PIK3CD: variants seen among roughly 807,000 people sequenced by gnomAD.
PIK3CD encodes the protein phosphatidylinositol 4,5-bisphosphate 3-kinase catalytic subunit delta isoform.
Under a neutral mutation model 122.9 loss-of-function variants are expected in PIK3CD, and 20 were observed. The ratio of observed to expected loss-of-function variants is 0.16; its 90% CI spans 0.11 to 0.24. The LOEUF (loss-of-function observed/expected upper bound fraction) is 0.24, where lower values mean the gene tolerates loss of function less well. Among genes scored for constraint, PIK3CD ranks in the 10% least tolerant of loss-of-function variants. PIK3CD has a pLI of 1.00. For synonymous variants in PIK3CD, 596 were observed against 593.4 expected (o/e 1.00, Z -0.06); for missense variants, 787 against 1,406.3 (o/e 0.56, Z 7.04).
intron 1 of PIK3CD, among the ~76,000 whole-genome samples, chr1:9,675,209 C>A (rs2101043610): frequency 1.3e-5 from 2 of 150,780 alleles, no homozygotes; most frequent in South Asian, 4.2e-4. Flanking sequence ...CACGGTGAAA[C>A]CCCGTCTCTA....
At chr1:9,708,916 T>C (rs1646944919) in intron 2 of PIK3CD, among the ~76,000 whole-genome samples, 1 of 152,068 alleles carries the variant, frequency 6.6e-6, no homozygotes, top group Non-Finnish European at 1.5e-5. Flanking sequence ...TGGAGTAGGC[T>C]AGAGGCGGGG....
chr1:9,726,493 A>G (rs757574615), intron 23 of PIK3CD, among the ~76,000 whole-genome samples: 3 of 152,210 alleles, frequency 2.0e-5, no homozygotes, highest in Non-Finnish European at 4.4e-5. Flanking sequence ...TGGGCGACAG[A>G]GTGAGACTGT....
At chr1:9,672,892 G>A (rs1645376658) in intron 1 of PIK3CD, among the ~76,000 whole-genome samples, 1 of 152,014 alleles carries the variant, frequency 6.6e-6, no homozygotes, top group South Asian at 2.1e-4. Context: ...CTCTCCAGCA[G>A]CACTCACCTG....
intron 15 of PIK3CD, 72 bp from the exon 16 acceptor site, chr1:9,721,689 G>T (rs1048719596): frequency 1.2e-6 from 2 of 1,602,636 alleles, no homozygotes; most frequent in Non-Finnish European, 1.7e-6. Context: ...TCCTGGCCTC[G>T]CTAGGTCCTG....
intron 1 of PIK3CD, among the ~76,000 whole-genome samples, chr1:9,657,810 G>A (rs1295090104): frequency 6.6e-6 from 1 of 152,126 alleles, no homozygotes; most frequent in Non-Finnish European, 1.5e-5. Flanking sequence ...CACAGACACT[G>A]CTCTGTTCCC....
At chr1:9,711,666 C>G (rs967119597) in intron 3 of PIK3CD, among the ~76,000 whole-genome samples, 2 of 152,074 alleles carry the variant, frequency 1.3e-5, no homozygotes, top group African/African-American at 4.8e-5. Flanking sequence ...CTCAATCTCC[C>G]CAGGCTTAGG....
chr1:9,724,156 C>T lies in PIK3CD; in HGVS notation c.2718+64C>T, dbSNP rs960971566. 3.7e-6 allele frequency: 6 copies of T among 1,613,832 alleles called. No homozygotes were observed. In the Admixed American group the frequency reaches 6.7e-5, roughly 18 times the overall value. ...GCTTCTGGCCCCAGCCTGCTGGCCC[C>T]TCTGCCTAGCACACAGCTCTGTGGC... On this transcript the variant is annotated intron_variant, in intron 21 of 23. Transcript: ENST00000377346. This position sits in a 1 kb window ranked among gnomAD's most constrained non-coding sequence, Gnocchi z 7.3.
chr1:9,670,024 A>C (rs1370609256), intron 1 of PIK3CD, among the ~76,000 whole-genome samples: 1 of 151,906 alleles, frequency 6.6e-6, no homozygotes, highest in Non-Finnish European at 1.5e-5. Flanking sequence ...AAATACAAAA[A>C]TTAGCTGGGC....
the PIK3CD span, among the ~76,000 whole-genome samples, chr1:9,634,539 T>A: frequency 6.6e-6 from 1 of 152,158 alleles, no homozygotes; most frequent in Non-Finnish European, 1.5e-5. Flanking sequence ...GTTCAAGTGA[T>A]CTGCCCGCCT....
intron 1 of PIK3CD, among the ~76,000 whole-genome samples, chr1:9,668,107 T>C (rs892329912): frequency 1.3e-5 from 2 of 152,040 alleles, no homozygotes; most frequent in African/African-American, 4.8e-5. Flanking sequence ...TTCTCTTTAC[T>C]GGCTGGATGT....
In PIK3CD at chr1:9,704,021, T is replaced by C. The variant is rs1646744200; in HGVS notation, c.-32-6403T>C. ...CCTGTACTCACTGGCATCTCTGTCC[T>C]GTACATATCAGAGAGCTATGGTTCT... On this transcript the variant is annotated intron_variant, in intron 2 of 23. Transcript: ENST00000377346. The surrounding 1 kb of genome is among the most constrained non-coding windows in gnomAD (Gnocchi z 5.0). 6.6e-6 allele frequency among the ~76,000 whole-genome samples: 1 copy of C among 152,232 alleles called. No individual in the cohort carries two copies. Among genetic ancestry groups the C allele is most frequent in the African/African-American group, 2.4e-5 (1 of 41,454 alleles).
chr1:9,706,941 A>G (rs1396243877), intron 2 of PIK3CD, among the ~76,000 whole-genome samples: 1 of 151,166 alleles, frequency 6.6e-6, no homozygotes, highest in East Asian at 1.9e-4. Flanking sequence ...AGTAGCTGCG[A>G]CTACAGGCAC....
chr1:9,645,830 C>G, the PIK3CD span, among the ~76,000 whole-genome samples: 3 of 151,740 alleles, frequency 2.0e-5, no homozygotes, highest in Non-Finnish European at 2.9e-5. Context: ...GGTCGTGAAC[C>G]CCTGACCTCA....
chr1:9,640,566 C>A, the PIK3CD span, among the ~76,000 whole-genome samples: 3 of 147,386 alleles, frequency 2.0e-5, no homozygotes, highest in Non-Finnish European at 4.5e-5. Context: ...GCAACAAGAG[C>A]AAAACTCTGT....
intron 1 of PIK3CD, among the ~76,000 whole-genome samples, chr1:9,659,892 A>G (rs1644962529): frequency 6.6e-6 from 1 of 152,190 alleles, no homozygotes; most frequent in South Asian, 2.1e-4. Context: ...CTGGAATTAC[A>G]GGTACGCACC....
rs1245465849 is a variant in PIK3CD at position 9,720,311 on chromosome 1, C to G, written c.1470+69C>G. ...AGCTCTCCTGGCCCTGCTCCTGGAG[C>G]TCTTCAGAGGGTGCTCCCTGGCCAC... is the stretch of plus-strand genomic sequence containing the variant. On this transcript the variant is annotated intron_variant, in intron 11 of 23. Transcript: ENST00000377346. This position sits in a 1 kb window ranked among gnomAD's most constrained non-coding sequence, Gnocchi z 9.0. 6.5e-7 allele frequency: 1 copy of G among 1,545,892 alleles called. No homozygotes were observed. The highest frequency in any genetic ancestry group is 1.4e-5 in the African/African-American group (1 of 73,458).
At chr1:9,631,032 C>T in the PIK3CD span, among the ~76,000 whole-genome samples, 2 of 152,190 alleles carry the variant, frequency 1.3e-5, no homozygotes, top group Non-Finnish European at 2.9e-5. Context: ...AGCTCCCTTT[C>T]GCTCAAGCAG....
chr1:9,629,913 G>A, the PIK3CD span, among the ~76,000 whole-genome samples: 1 of 152,336 alleles, frequency 6.6e-6, no homozygotes, highest in Non-Finnish European at 1.5e-5. Flanking sequence ...ACTCTTTCAT[G>A]GGGTGAGGGG....
At position 9,710,416 on chromosome 1, in the gene PIK3CD, A is replaced by T; in HGVS notation, c.-32-8A>T. ...AGGTAACTCATTTTGCCATTTCTTC[A>T]TTTTTAGGACAACTGTCATCTGGGA... On this transcript the variant is annotated splice_polypyrimidine_tract_variant and splice_region_variant and intron_variant, in intron 2 of 23. Coordinates refer to ENST00000377346, the MANE Select transcript of PIK3CD (RefSeq NM_005026.5). The surrounding 1 kb of genome is among the most constrained non-coding windows in gnomAD (Gnocchi z 4.7). 1 of 1,613,124 alleles carries T rather than the reference A, an allele frequency of 6.2e-7. No homozygotes were observed. The highest frequency in any genetic ancestry group is 1.1e-5 in the South Asian group (1 of 91,052).
Sources: gnomAD v4.1 joint callset for allele counts (sites outside exome capture counted in the v4.1 genomes callset) on GRCh38, gnomAD v4.1.1 for gene constraint, Gnocchi (gnomAD v3.1) non-coding constraint, MANE v1.5 for transcripts, NCBI Gene and HGNC (gene_info 2026-07-23, HGNC 2026-07-21) for gene names.